The following SLC14A2 variants were observed in gnomAD, a reference collection of about 807,000 sequenced individuals.
SLC14A2 encodes urea transporter 2.
A neutral mutation model predicts 104.6 loss-of-function variants in SLC14A2; 91 were observed. The ratio of observed to expected loss-of-function variants is 0.87; its 90% CI spans 0.73 to 1.04. The LOEUF (loss-of-function observed/expected upper bound fraction) is 1.04. Ranked by LOEUF, SLC14A2 falls within the 50% of genes least tolerant of loss-of-function variation. The pLI is 0.00. For missense variants in SLC14A2, 1,189 were observed against 1,156.0 expected (o/e 1.03, Z -0.41); for synonymous variants, 476 against 466.4 (o/e 1.02, Z -0.27).
At chr18:45,664,034 A>C in intron 11 of SLC14A2, 127 bp downstream of exon 11, 1 of 981,452 alleles carries the variant, frequency 1.0e-6, no homozygotes, top group Non-Finnish European at 1.4e-6. Flanking sequence ...GACCTCTCAC[A>C]CCTGACGTCT....
intron 2 of SLC14A2, among the ~76,000 whole-genome samples, chr18:45,586,034 C>T (rs2044562348): frequency 6.6e-6 from 1 of 152,224 alleles, no homozygotes; most frequent in Non-Finnish European, 1.5e-5. Flanking sequence ...GTGCCCTCTG[C>T]CCTCCTGTGG....
chr18:45,661,624 A>T (rs1225328976), intron 10 of SLC14A2, among the ~76,000 whole-genome samples: 1 of 152,218 alleles, frequency 6.6e-6, no homozygotes, highest in East Asian at 1.9e-4. Context: ...TTCTGAGTTT[A>T]TGATTCTAAG....
At chr18:45,404,951 G>A (rs1375764853) in intron 1 of SLC14A2, among the ~76,000 whole-genome samples, 2 of 152,162 alleles carry the variant, frequency 1.3e-5, no homozygotes, top group Non-Finnish European at 2.9e-5. Context: ...CTTGTTCTCA[G>A]TGCCACCAGC....
rs61665957 is a variant in SLC14A2, at chr18:45,632,923, T to C, written c.650+445T>C. Among the ~76,000 whole-genome samples the C allele has an allele frequency of 2.0e-3, 309 of 152,302 alleles. 2 individuals are homozygous for C. Among genetic ancestry groups the C allele is most frequent in the African/African-American group, 7.2e-3 (299 of 41,572 alleles). ...CGATCTCCTGACCTCGTGATCCACC[T>C]GCCTCGGCCTCCCAAAGTGCTGGGA... On this transcript the variant is annotated intron_variant, in intron 5 of 19. Coordinates refer to ENST00000255226, the MANE Select transcript of SLC14A2 (RefSeq NM_007163.4).
At chr18:45,216,670 G>T (rs2084013723) in intron 1 of SLC14A2, among the ~76,000 whole-genome samples, 1 of 152,160 alleles carries the variant, frequency 6.6e-6, no homozygotes, top group Non-Finnish European at 1.5e-5. Context: ...TGTACTCAGA[G>T]CTCTGAGAAC....
chr18:45,605,895 T>A (rs1036224465), intron 2 of SLC14A2, among the ~76,000 whole-genome samples: 1 of 152,152 alleles, frequency 6.6e-6, no homozygotes, highest in African/African-American at 2.4e-5. Context: ...ATGCACTGCC[T>A]TTTCCAGGTA....
At chr18:45,661,499 C>T (rs575360800) in intron 10 of SLC14A2, among the ~76,000 whole-genome samples, 11 of 152,334 alleles carry the variant, frequency 7.2e-5, no homozygotes, top group Admixed American at 4.6e-4. Context: ...GAATTGGGAA[C>T]TGAGAGACCC....
At chr18:45,566,326 C>T (rs2044265580) in intron 2 of SLC14A2, among the ~76,000 whole-genome samples, 1 of 152,178 alleles carries the variant, frequency 6.6e-6, no homozygotes, top group Non-Finnish European at 1.5e-5. Flanking sequence ...AGTCTGATTT[C>T]AGGGCCTGTG....
intron 1 of SLC14A2, among the ~76,000 whole-genome samples, chr18:45,419,352 G>A (rs960088233): frequency 2.6e-5 from 4 of 152,180 alleles, no homozygotes; most frequent in African/African-American, 9.7e-5. Flanking sequence ...CTTAAAGTAT[G>A]AACAGGAGGA....
At chr18:45,297,033 C>G (rs1047959087) in intron 1 of SLC14A2, among the ~76,000 whole-genome samples, 1 of 151,978 alleles carries the variant, frequency 6.6e-6, no homozygotes, top group African/African-American at 2.4e-5. Flanking sequence ...ACATGCTGCC[C>G]TATGGAAGAA....
At chr18:45,612,544 T>C (rs183104031), upstream of SLC14A2, among the ~76,000 whole-genome samples, 22 of 152,356 alleles carry the variant, frequency 1.4e-4, no homozygotes, top group East Asian at 4.0e-3. Flanking sequence ...GGCACTGCAC[T>C]AAGCAACTTG....
chr18:45,518,761 T>G lies in SLC14A2; in HGVS notation c.-35+35439T>G, dbSNP rs143506251. On this transcript the variant is annotated intron_variant, in intron 2 of 20. Transcript: ENST00000586448. ...TAAAATTGAATTTTTTTTCTAATTCTTTTCTTAGAAAAAAAGAGCAGGAGG... is the reference window on the plus strand; with the variant it reads ...TAAAATTGAATTTTTTTTCTAATTCGTTTCTTAGAAAAAAAGAGCAGGAGG... 9.5e-3 allele frequency among the ~76,000 whole-genome samples: 1,446 copies of G among 152,320 alleles called. 20 individuals are homozygous for G. The highest frequency in any genetic ancestry group is 0.033 in the African/African-American group (1,381 of 41,560).
rs576948747 is a variant in SLC14A2 at position 45,641,422 on chromosome 18, C to T, written c.1126+79C>T. ...TTGTTTATGTGAAACCCATGGGGAC[C>T]ACTAATCAATACTGTTCAGCAGTGA... is the stretch of plus-strand genomic sequence containing the variant. On this transcript the variant is annotated intron_variant, in intron 8 of 19. Coordinates refer to ENST00000255226, the MANE Select transcript of SLC14A2 (RefSeq NM_007163.4). The T allele has an allele frequency of 1.0e-5, 15 of 1,507,348 alleles. 1 individual carries two copies. In the African/African-American group the frequency reaches 1.1e-4, roughly 11 times the overall value. 93.4% of individuals were successfully genotyped at this position (1,507,348 alleles called of 1,614,324 possible).
At chr18:45,540,936 G>A (rs1178695886) in intron 2 of SLC14A2, among the ~76,000 whole-genome samples, 2 of 152,090 alleles carry the variant, frequency 1.3e-5, no homozygotes, top group Non-Finnish European at 2.9e-5. Flanking sequence ...CCAACTCAGA[G>A]AGGCAAGAAA....
At chr18:45,405,229 C>G (rs2086140563) in intron 1 of SLC14A2, among the ~76,000 whole-genome samples, 1 of 152,156 alleles carries the variant, frequency 6.6e-6, no homozygotes, top group South Asian at 2.1e-4. Flanking sequence ...CAAAAGAAGA[C>G]TGGGGACCAT....
chr18:45,580,833 G>A (rs1045327343), intron 2 of SLC14A2, among the ~76,000 whole-genome samples: 2 of 152,178 alleles, frequency 1.3e-5, no homozygotes, highest in Non-Finnish European at 2.9e-5. Flanking sequence ...AAGGCAGACA[G>A]TGGGCAAGGG....
chr18:45,183,906 ATTTT>A, the SLC14A2 span, among the ~76,000 whole-genome samples: 7 of 62,698 alleles, frequency 1.1e-4, no homozygotes, highest in Non-Finnish European at 1.9e-4. Flanking sequence ...TAATTTTCTA[ATTTT>A]TTTTTTTTTT....
chr18:45,179,752 A>G, the SLC14A2 span: 1 of 151,712 alleles, frequency 6.6e-6, no homozygotes, highest in African/African-American at 2.4e-5. Context: ...CAGAAAATAT[A>G]CCATAAAAGT....
rs188100954 is a variant in SLC14A2, at chr18:45,339,535, A to C, written c.-125+126344A>C. On this transcript the variant is annotated intron_variant, in intron 1 of 20. Transcript: ENST00000586448. ...CTACACATACTCATCAATCACCTCT[A>C]GGGTATAGATTAAAATGAACACACA... 1.7e-4 allele frequency among the ~76,000 whole-genome samples: 26 copies of C among 152,280 alleles called. 1 individual carries two copies. The highest frequency in any genetic ancestry group is 1.6e-3 in the Admixed American group (25 of 15,292).
Sources: gnomAD v4.1 joint callset for allele counts (sites outside exome capture counted in the v4.1 genomes callset) on GRCh38, gnomAD v4.1.1 for gene constraint, MANE v1.5 for transcripts, NCBI Gene and HGNC (gene_info 2026-07-23, HGNC 2026-07-21) for gene names.